The following ZNF438 variants were observed in gnomAD, a reference collection of about 807,000 sequenced individuals.
ZNF438 encodes zinc finger protein 438.
Under a neutral mutation model 38.0 loss-of-function variants are expected in ZNF438, and 25 were observed. The observed-to-expected ratio is 0.66, with a 90% CI of 0.48 to 0.92. The LOEUF is 0.92. Among genes scored for constraint, ZNF438 ranks in the 40% least tolerant of loss-of-function variants. The pLI is 0.00. For synonymous variants in ZNF438, 372 were observed against 364.1 expected (o/e 1.02, Z -0.25); for missense variants, 1,007 against 999.6 (o/e 1.01, Z -0.10).
chr10:31,026,246 A>C lies in ZNF438; in HGVS notation c.-192+5587T>G, dbSNP rs193139939. 1.4e-3 allele frequency among the ~76,000 whole-genome samples: 207 copies of C among 152,352 alleles called. 2 individuals carry two copies. The highest frequency in any genetic ancestry group is 4.7e-3 in the African/African-American group (195 of 41,592). On this transcript the variant is annotated intron_variant, in intron 1 of 5. Transcript: ENST00000413025. Reference sequence around the variant, plus strand: ...AAGCCAAAACTGACAAATGGGATCTAATTAAACTAAAGAGCTTCTGCACAG... The same window carrying C: ...AAGCCAAAACTGACAAATGGGATCTCATTAAACTAAAGAGCTTCTGCACAG...
Position 31,007,775 on chromosome 10 carries a change from G to C in ZNF438, c.-192+24058C>G, listed in dbSNP as rs74134362. Among the ~76,000 whole-genome samples, 177 of 152,260 alleles carry C rather than the reference G, an allele frequency of 1.2e-3. 1 individual carries two copies. The highest frequency in any genetic ancestry group is 4.2e-3 in the African/African-American group (174 of 41,540). ...ATTAAGAGTGTTAGTTCTATTAATAGTAGAACACACTTAATAGCACTGAAA... is the reference window on the plus strand; with the variant it reads ...ATTAAGAGTGTTAGTTCTATTAATACTAGAACACACTTAATAGCACTGAAA... On this transcript the variant is annotated intron_variant, in intron 1 of 5. Coordinates refer to ENST00000413025, the Ensembl canonical transcript of ZNF438.
chr10:30,873,617 CTCACT>C (rs1360876615), intron 4 of ZNF438, among the ~76,000 whole-genome samples: 2 of 152,172 alleles, frequency 1.3e-5, no homozygotes, highest in African/African-American at 4.8e-5. Context: ...GTATGTCATA[CTCACT>C]TCTAGTACAG....
intron 1 of ZNF438, among the ~76,000 whole-genome samples, chr10:31,000,036 G>A (rs1280599760): frequency 6.6e-6 from 1 of 152,138 alleles, no homozygotes; most frequent in East Asian, 1.9e-4. Context: ...TGTAGGTAAT[G>A]TCACTCATTC....
intron 3 of ZNF438, among the ~76,000 whole-genome samples, chr10:30,884,668 T>C (rs954905686): frequency 6.6e-6 from 1 of 152,204 alleles, no homozygotes; most frequent in Non-Finnish European, 1.5e-5. Context: ...TAATACAATG[T>C]GCTTTATAAA....
chr10:30,875,354 C>A, intron 4 of ZNF438: 6 of 985,302 alleles, frequency 6.1e-6, no homozygotes, highest in Non-Finnish European at 7.2e-6. Context: ...GAAAGGAACA[C>A]CTAGTCATTC....
chr10:31,027,023 A>G (rs562058189), intron 1 of ZNF438, among the ~76,000 whole-genome samples: 1 of 150,066 alleles, frequency 6.7e-6, no homozygotes, highest in South Asian at 2.2e-4. Context: ...GTTCTCACTC[A>G]CAGGTGGGAA....
At chr10:31,023,114 A>C (rs919701847) in intron 1 of ZNF438, among the ~76,000 whole-genome samples, 3 of 152,236 alleles carry the variant, frequency 2.0e-5, no homozygotes, top group African/African-American at 7.2e-5. Context: ...TGCAAATACT[A>C]AAATATTTTG....
intron 1 of ZNF438, among the ~76,000 whole-genome samples, chr10:31,019,761 T>C (rs2056459019): frequency 6.6e-6 from 1 of 152,202 alleles, no homozygotes; most frequent in South Asian, 2.1e-4. Context: ...GTCCTGCATA[T>C]TGCATGGCCC....
chr10:30,905,386 T>C (rs2042475477), intron 3 of ZNF438, among the ~76,000 whole-genome samples: 1 of 152,234 alleles, frequency 6.6e-6, no homozygotes, highest in Admixed American at 6.5e-5. Flanking sequence ...TTTCATGTGC[T>C]CATTGGCAAT....
At chr10:30,917,819 A>G (rs1342906805) in intron 2 of ZNF438, among the ~76,000 whole-genome samples, 1 of 152,076 alleles carries the variant, frequency 6.6e-6, no homozygotes, top group Non-Finnish European at 1.5e-5. Flanking sequence ...AATGAAGTCT[A>G]TTCTTTAAAG....
intron 1 of ZNF438, among the ~76,000 whole-genome samples, chr10:30,992,469 A>G (rs1795536586): frequency 6.6e-6 from 1 of 150,766 alleles, no homozygotes; most frequent in East Asian, 2.0e-4. Context: ...TTGGAGTGCA[A>G]TGGTGCAATC....
At chr10:30,980,951 C>G (rs1399958691) in intron 1 of ZNF438, among the ~76,000 whole-genome samples, 2 of 152,194 alleles carry the variant, frequency 1.3e-5, no homozygotes, top group Non-Finnish European at 2.9e-5. Flanking sequence ...ATTTCTGACT[C>G]CTGACCAACT....
At chr10:30,942,006 A>T (rs1589312172) in intron 1 of ZNF438, among the ~76,000 whole-genome samples, 1 of 152,230 alleles carries the variant, frequency 6.6e-6, no homozygotes, top group East Asian at 1.9e-4. Context: ...ATGAAATTGA[A>T]TAAGAGACAG....
At chr10:30,979,819 T>C (rs757886691) in intron 1 of ZNF438, among the ~76,000 whole-genome samples, 3 of 152,342 alleles carry the variant, frequency 2.0e-5, no homozygotes, top group Non-Finnish European at 4.4e-5. Flanking sequence ...CTTTTCCCCA[T>C]TGATTCTAGC....
rs1177412530 is a variant in ZNF438, at chr10:30,949,047, A to G, written c.-191-7396T>C. 3.3e-5 allele frequency among the ~76,000 whole-genome samples: 5 copies of G among 152,234 alleles called. No individual in the cohort carries two copies. The East Asian group carries it at 9.6e-4, about 29-fold the overall frequency. On this transcript the variant is annotated intron_variant, in intron 1 of 5. Transcript: ENST00000413025. ...GGGAAGCCCATCAGACTAACAGCGG[A>G]TCTCTCGGCAGAAACCCTACAAGCC... is the stretch of plus-strand genomic sequence containing the variant.
chr10:30,944,527 C>T (rs2047161476), intron 1 of ZNF438, among the ~76,000 whole-genome samples: 1 of 152,142 alleles, frequency 6.6e-6, no homozygotes, highest in Non-Finnish European at 1.5e-5. Context: ...GGGGAGAACT[C>T]GCCAGCTACA....
chr10:30,989,322 G>A (rs2053211095), intron 1 of ZNF438, among the ~76,000 whole-genome samples: 1 of 152,132 alleles, frequency 6.6e-6, no homozygotes, highest in Non-Finnish European at 1.5e-5. Flanking sequence ...TCCACCAAAA[G>A]GAAGCTGCTC....
At chr10:30,845,472 A>G in exon 6 of ZNF438, 1 of 1,614,166 alleles carries the variant, frequency 6.2e-7, no homozygotes, top group Admixed American at 1.7e-5. Context: ...TATTTCCGCA[A>G]AAGACTGAGC....
intron 3 of ZNF438, among the ~76,000 whole-genome samples, chr10:30,894,572 G>A (rs1294534093): frequency 6.6e-6 from 1 of 152,036 alleles, no homozygotes; most frequent in Non-Finnish European, 1.5e-5. Context: ...GGGTGGGTGG[G>A]GAAGAAAAAT....
Sources: gnomAD v4.1 joint callset for allele counts (sites outside exome capture counted in the v4.1 genomes callset) on GRCh38, gnomAD v4.1.1 for gene constraint, MANE v1.5 for transcripts, NCBI Gene and HGNC (gene_info 2026-07-23, HGNC 2026-07-21) for gene names.